Variants in PCED1B observed in about 807,000 individuals in gnomAD.
PCED1B encodes PC-esterase domain-containing protein 1B.
For synonymous variants in PCED1B, 251 were observed against 246.1 expected, an observed-to-expected ratio of 1.02 and a Z score of -0.19; for missense variants, 573 against 573.9, an observed-to-expected ratio of 1.00 and a Z score of 0.02.
At chr12:47,160,112 C>A (rs931351503) in intron 2 of PCED1B, among the ~76,000 whole-genome samples, 13 of 152,026 alleles carry the variant, frequency 8.6e-5, no homozygotes, top group African/African-American at 1.9e-4. Flanking sequence ...TGTCTGTATA[C>A]CAATATCATG....
At chr12:47,160,625 A>G (rs1464677650) in intron 2 of PCED1B, among the ~76,000 whole-genome samples, 3 of 151,990 alleles carry the variant, frequency 2.0e-5, no homozygotes, top group African/African-American at 7.2e-5. Flanking sequence ...AGCATCTTTC[A>G]TGTCTTATCC....
At chr12:47,141,281 G>A (rs966172753) in intron 2 of PCED1B, among the ~76,000 whole-genome samples, 3 of 152,198 alleles carry the variant, frequency 2.0e-5, no homozygotes. Flanking sequence ...CTTTGTGGGA[G>A]CTGTGGACCC....
intron 1 of PCED1B, among the ~76,000 whole-genome samples, chr12:47,094,765 G>C (rs1165885655): frequency 6.6e-6 from 1 of 151,822 alleles, no homozygotes; most frequent in Non-Finnish European, 1.5e-5. Context: ...TACTACAAAC[G>C]ACGTTATAAT....
rs200992609 is a variant in PCED1B at position 47,217,470 on chromosome 12, GAGAAAGAAAGAAAGAA to G, written c.-58+814_-58+829del. Among the ~76,000 whole-genome samples the G allele has an allele frequency of 4.8e-4, 44 of 90,918 alleles. 3 individuals are homozygous for G. The highest frequency in any genetic ancestry group is 4.7e-3 in the Middle Eastern group (1 of 212). The allele number at this position is 90,918 out of a possible 152,430, so 59.6% of individuals were successfully genotyped here. A position where few individuals can be genotyped will look rare whatever the true frequency, so the allele number is the denominator to read the frequency against. On this transcript the variant is annotated intron_variant, in intron 3 of 3. Transcript: ENST00000546455. ...AAAGAAAGAAAGAAAAAGAAAGAAA[GAGAAAGAAAGAAAGAA>G]AGAAAGAAAGAAAGAAAGAAAGAAA...
chr12:47,121,318 A>T (rs892473791), intron 2 of PCED1B, among the ~76,000 whole-genome samples: 2 of 152,178 alleles, frequency 1.3e-5, no homozygotes, highest in Admixed American at 6.6e-5. Flanking sequence ...CATGGCTACA[A>T]AGTTATGAAT....
In PCED1B at chr12:47,235,316, G is replaced by A; in HGVS notation, c.253G>A (p.Asp85Asn). Residue 85 changes from aspartate to asparagine, a missense_variant, in exon 4 of 4, where the codon GAC (aspartate) becomes AAC (asparagine). Coordinates refer to ENST00000546455, the MANE Select transcript of PCED1B (RefSeq NM_138371.3). ...NYREVREFRS[D>N]HHLVRFYFLT... ...CCGTGAGGTCCGCGAGTTCCGCTCC[G>A]ACCACCATCTGGTACGTTTTTACTT... The A allele has an allele frequency of 6.2e-7, 1 of 1,614,008 alleles. No individual in the cohort carries two copies. Among genetic ancestry groups the A allele is most frequent in the Non-Finnish European group, 8.5e-7 (1 of 1,180,032 alleles).
intron 2 of PCED1B, among the ~76,000 whole-genome samples, chr12:47,165,159 G>A (rs530592394): frequency 6.6e-6 from 1 of 152,304 alleles, no homozygotes; most frequent in South Asian, 2.1e-4. Flanking sequence ...CATCTTCTAA[G>A]TCCAAACTGT....
intron 3 of PCED1B, among the ~76,000 whole-genome samples, chr12:47,217,401 CAGA>C (rs1565607528): frequency 8.7e-6 from 1 of 115,076 alleles, no homozygotes. Context: ...AAGAAAGAAA[CAGA>C]GAGAGAGAGA....
Position 47,115,307 on chromosome 12 carries a change from A to G in PCED1B, c.-526+11112A>G, listed in dbSNP as rs1488201910. Among the ~76,000 whole-genome samples the G allele has an allele frequency of 2.0e-5, 3 of 152,076 alleles. No homozygotes were observed. In the East Asian group the frequency reaches 5.8e-4, roughly 29 times the overall value. ...CGACATTAAACCACCTTTGCATGGT[A>G]TCTTCACTCGGTTCTCACTCCTGCT... On this transcript the variant is annotated intron_variant, in intron 2 of 3. Transcript: ENST00000546455.
At chr12:47,187,105 C>T (rs1450653563) in intron 2 of PCED1B, among the ~76,000 whole-genome samples, 3 of 152,150 alleles carry the variant, frequency 2.0e-5, no homozygotes, top group African/African-American at 7.2e-5. Context: ...CTGTGCTGCT[C>T]TGTGGACTTT....
chr12:47,143,867 G>A (rs1057303096), intron 2 of PCED1B, among the ~76,000 whole-genome samples: 1 of 152,100 alleles, frequency 6.6e-6, no homozygotes, highest in Non-Finnish European at 1.5e-5. Flanking sequence ...TAGACACATA[G>A]ATAAACAAAA....
rs189626149 is a variant in PCED1B, at chr12:47,228,536, A to G, written c.-57-6471A>G. Among the ~76,000 whole-genome samples, 26 of 152,270 alleles carry G rather than the reference A, an allele frequency of 1.7e-4. 1 individual carries two copies. The highest frequency in any genetic ancestry group is 3.4e-3 in the Middle Eastern group (1 of 294). On this transcript the variant is annotated intron_variant, in intron 3 of 3. Coordinates refer to ENST00000546455, the MANE Select transcript of PCED1B (RefSeq NM_138371.3). ...AGACTTTGGACTAAATCTTAGCTCT[A>G]TCACATCAATATCTTTCCTTATAAA... is the stretch of plus-strand genomic sequence containing the variant.
rs117165563 is a variant in PCED1B, at chr12:47,148,553, C to T, written c.-526+44358C>T. ...GCAATTCACCACAGCCCCTGAAACT[C>T]CCAGTCTTAATGGGGGATCCAGGGT... On this transcript the variant is annotated intron_variant, in intron 2 of 3. Coordinates refer to ENST00000546455, the MANE Select transcript of PCED1B (RefSeq NM_138371.3). Among the ~76,000 whole-genome samples, 751 of 152,278 alleles carry T rather than the reference C, an allele frequency of 4.9e-3. 11 individuals carry two copies. Among genetic ancestry groups the T allele is most frequent in the South Asian group, 0.04 (194 of 4,826 alleles).
In PCED1B at chr12:47,131,749, A is replaced by C. The variant is rs887593706; in HGVS notation, c.-526+27554A>C. Among the ~76,000 whole-genome samples the C allele has an allele frequency of 3.4e-5, 5 of 147,658 alleles. No homozygotes were observed. The East Asian group carries it at 8.0e-4, about 23-fold the overall frequency. Reference sequence around the variant, plus strand: ...AGTGGCGCAATCTCGTCTCACTGCAACCTTCGACTCCCTGGTTCAAGCAAT... The same window carrying C: ...AGTGGCGCAATCTCGTCTCACTGCACCCTTCGACTCCCTGGTTCAAGCAAT... On this transcript the variant is annotated intron_variant, in intron 2 of 3. Coordinates refer to ENST00000546455, the MANE Select transcript of PCED1B (RefSeq NM_138371.3).
At position 47,235,881 on chromosome 12, in the gene PCED1B, CGA is replaced by C; in HGVS notation, c.822_823del (p.Arg274SerfsTer124). 2 of 1,588,124 alleles carry C rather than the reference CGA, an allele frequency of 1.3e-6. No homozygotes were observed. The highest frequency in any genetic ancestry group is 1.7e-6 in the Non-Finnish European group (2 of 1,167,536). Reference sequence around the variant, plus strand: ...TGGATCAAGAAGAAAAAACCTGGCCCGAGAGTCGAAGGGCCGCCCCAGGCCAA... The same window carrying C: ...TGGATCAAGAAGAAAAAACCTGGCCCGAGTCGAAGGGCCGCCCCAGGCCAA... On this transcript the variant is annotated frameshift_variant, in exon 4 of 4. Transcript: ENST00000546455. LOFTEE classifies it low-confidence loss of function (END_TRUNC).
intron 2 of PCED1B, among the ~76,000 whole-genome samples, chr12:47,180,017 G>T (rs1279427654): frequency 6.6e-6 from 1 of 152,104 alleles, no homozygotes; most frequent in African/African-American, 2.4e-5. Context: ...GTACCATGGT[G>T]GTTTGCTACA....
intron 2 of PCED1B, among the ~76,000 whole-genome samples, chr12:47,116,829 T>A (rs1939442110): frequency 6.6e-6 from 1 of 152,224 alleles, no homozygotes; most frequent in East Asian, 1.9e-4. Flanking sequence ...ATTTTAGCAC[T>A]TTTTAAAAAC....
intron 2 of PCED1B, among the ~76,000 whole-genome samples, chr12:47,204,178 A>G (rs999158260): frequency 1.3e-5 from 2 of 152,088 alleles, no homozygotes; most frequent in Admixed American, 6.6e-5. Context: ...CGAACTCCTG[A>G]TCTTAAATGA....
intron 2 of PCED1B, among the ~76,000 whole-genome samples, chr12:47,165,721 A>T (rs989865104): frequency 2.0e-5 from 3 of 152,150 alleles, no homozygotes; most frequent in Non-Finnish European, 2.9e-5. Flanking sequence ...GTTTTTCCAA[A>T]TAGTGGATTT....
Sources: gnomAD v4.1 joint callset for allele counts (sites outside exome capture counted in the v4.1 genomes callset) on GRCh38, gnomAD v4.1.1 for gene constraint, MANE v1.5 for transcripts, NCBI Gene and HGNC (gene_info 2026-07-23, HGNC 2026-07-21) for gene names.